The following THSD7A variants were observed in gnomAD, a reference collection of about 807,000 sequenced individuals.
THSD7A encodes thrombospondin type-1 domain-containing protein 7A.
THSD7A carries 96 observed loss-of-function variants against 231.3 expected under a neutral mutation model. That is an observed-to-expected ratio of 0.41 (90% CI 0.35 to 0.49). THSD7A has a LOEUF of 0.49. Ranked by LOEUF, THSD7A falls within the 20% of genes least tolerant of loss-of-function variation. THSD7A has a pLI of 0.05. For synonymous variants in THSD7A, 940 were observed against 743.3 expected, an observed-to-expected ratio of 1.26 and a Z score of -4.30; for missense variants, 2,290 against 2,070.2, an observed-to-expected ratio of 1.11 and a Z score of -2.06.
intron 4 of THSD7A, among the ~76,000 whole-genome samples, chr7:11,575,592 A>G (rs1269824621): frequency 6.6e-6 from 1 of 152,204 alleles, no homozygotes; most frequent in East Asian, 1.9e-4. Context: ...TGTACTCCAG[A>G]TACTTGTGTC....
chr7:11,629,356 A>T (rs1021859634), intron 2 of THSD7A, among the ~76,000 whole-genome samples: 1 of 152,160 alleles, frequency 6.6e-6, no homozygotes, highest in Non-Finnish European at 1.5e-5. Context: ...ATATGGGCAT[A>T]CTGACTCTGT....
chr7:11,426,643 G>A (rs1322895555), intron 15 of THSD7A, 23 bp downstream of exon 15: 4 of 1,547,182 alleles, frequency 2.6e-6, no homozygotes, highest in Non-Finnish European at 2.6e-6. Flanking sequence ...CTATCAAAAA[G>A]CATGAGGTTT....
At chr7:11,584,440 T>C (rs1340764385) in intron 4 of THSD7A, among the ~76,000 whole-genome samples, 1 of 152,156 alleles carries the variant, frequency 6.6e-6, no homozygotes, top group Non-Finnish European at 1.5e-5. Flanking sequence ...TTCTACCTTT[T>C]TCCCCAAACA....
chr7:11,618,796 GA>G lies in THSD7A; in HGVS notation c.1022+17333del, dbSNP rs887296938. On this transcript the variant is annotated intron_variant, in intron 2 of 27. Coordinates refer to ENST00000423059, the MANE Select transcript of THSD7A (RefSeq NM_015204.3). Reference sequence around the variant, plus strand: ...ACAGAGCGAGACTCTGACTCAAAAAGAAAAAAAAAAAAGAAGGAGAAGAATA... The same window carrying G: ...ACAGAGCGAGACTCTGACTCAAAAAGAAAAAAAAAAAGAAGGAGAAGAATA... 7.9e-3 allele frequency among the ~76,000 whole-genome samples: 862 copies of G among 108,560 alleles called. 3 individuals carry two copies. The highest frequency in any genetic ancestry group is 0.011 in the African/African-American group (311 of 29,318). 71.2% of individuals were successfully genotyped at this position (108,560 alleles called of 152,430 possible).
intron 23 of THSD7A, among the ~76,000 whole-genome samples, chr7:11,387,537 G>T (rs1453532725): frequency 1.3e-5 from 2 of 152,128 alleles, no homozygotes; most frequent in Non-Finnish European, 1.5e-5. Flanking sequence ...AGGAATGCTT[G>T]TGATTTTTGC....
chr7:11,394,383 G>T (rs965323012), intron 23 of THSD7A, among the ~76,000 whole-genome samples: 2 of 152,118 alleles, frequency 1.3e-5, no homozygotes, highest in African/African-American at 4.8e-5. Flanking sequence ...GAAAAAACTG[G>T]TACCAGCCAC....
rs545677634 is a variant in THSD7A at position 11,761,424 on chromosome 7, T to A, written c.190+70333A>T. Among the ~76,000 whole-genome samples, 13 of 152,222 alleles carry A rather than the reference T, an allele frequency of 8.5e-5. No individual in the cohort carries two copies. The South Asian group carries it at 2.7e-3, about 32-fold the overall frequency. On this transcript the variant is annotated intron_variant, in intron 1 of 27. Transcript: ENST00000423059. ...CATACTTTCTTAGAGCTTTATTTCA[T>A]AAAGATGTTTTCATCATGCATATCT... is the stretch of plus-strand genomic sequence containing the variant.
intron 9 of THSD7A, among the ~76,000 whole-genome samples, chr7:11,467,642 T>C (rs1307556849): frequency 6.6e-6 from 1 of 152,124 alleles, no homozygotes; most frequent in Non-Finnish European, 1.5e-5. Context: ...TTTTATTTTA[T>C]AAATGATCAA....
intron 1 of THSD7A, among the ~76,000 whole-genome samples, chr7:11,683,207 C>T (rs899766809): frequency 2.0e-5 from 3 of 151,540 alleles, no homozygotes; most frequent in African/African-American, 7.3e-5. Context: ...ATCAGGAGCT[C>T]TTAAAAACCA....
chr7:11,375,407 G>GCCGT lies in THSD7A; in HGVS notation c.*386_*387insACGG. The GCCGT allele has an allele frequency of 3.7e-5, 6 of 163,128 alleles. No individual in the cohort carries two copies. Among genetic ancestry groups the GCCGT allele is most frequent in the Non-Finnish European group, 6.6e-5 (5 of 75,632 alleles). The allele number at this position is 163,128 out of a possible 1,614,324, so 10.1% of individuals were successfully genotyped here. On this transcript the variant is annotated 3_prime_UTR_variant, in exon 28 of 28. Transcript: ENST00000423059. ...CCATAGTATTGTGGAGATCTTGGTAGAAACTCTTCATGCTAGGAAGTTTTA... is the reference window on the plus strand; with the variant it reads ...CCATAGTATTGTGGAGATCTTGGTAGCCGTAAACTCTTCATGCTAGGAAGTTTTA...
intron 2 of THSD7A, among the ~76,000 whole-genome samples, chr7:11,627,505 A>G (rs1282148275): frequency 1.3e-5 from 2 of 152,150 alleles, no homozygotes; most frequent in Non-Finnish European, 2.9e-5. Context: ...ATTTTTCATG[A>G]AATCTTGGAC....
At chr7:11,642,848 C>T (rs1782136946) in intron 1 of THSD7A, among the ~76,000 whole-genome samples, 2 of 151,990 alleles carry the variant, frequency 1.3e-5, no homozygotes, top group South Asian at 2.1e-4. Flanking sequence ...CTCTTGATAT[C>T]GTTCAAAACT....
At position 11,593,291 on chromosome 7, in the gene THSD7A, A is replaced by G. The variant is rs753334475; in HGVS notation, c.1234T>C (p.Cys412Arg). The G allele has an allele frequency of 5.0e-6, 8 of 1,613,862 alleles. No individual in the cohort carries two copies. The African/African-American group carries it at 1.1e-4, about 22-fold the overall frequency. ...ECPEFEEKEPCLSQGDGVVPC... is the reference protein window; with the variant it reads ...ECPEFEEKEPRLSQGDGVVPC... ...ACAACTCCATCTCCTTGAGACAAACAGGGTTCTTTTTCTTCAAATTCTGGA... is the reference window on the plus strand; with the variant it reads ...ACAACTCCATCTCCTTGAGACAAACGGGGTTCTTTTTCTTCAAATTCTGGA... The change falls in exon 3 of 28, where the codon TGT (cysteine) becomes CGT (arginine). Residue 412 changes from cysteine (C) to arginine (R), a missense_variant. By Grantham distance (180) the Cys-to-Arg change is radical. Transcript: ENST00000423059.
intron 1 of THSD7A, among the ~76,000 whole-genome samples, chr7:11,726,784 T>C (rs1485384426): frequency 6.6e-6 from 1 of 152,004 alleles, no homozygotes; most frequent in African/African-American, 2.4e-5. Context: ...TTACATCGTC[T>C]TCAGTAGTCT....
chr7:11,539,903 A>C (rs1485526364), intron 6 of THSD7A, among the ~76,000 whole-genome samples: 3 of 152,222 alleles, frequency 2.0e-5, no homozygotes, highest in Non-Finnish European at 2.9e-5. Flanking sequence ...AAGGACAAGC[A>C]AAATTATTTG....
intron 6 of THSD7A, among the ~76,000 whole-genome samples, chr7:11,537,743 G>C (rs1035911866): frequency 1.3e-5 from 2 of 152,092 alleles, no homozygotes; most frequent in African/African-American, 2.4e-5. Context: ...ACAAATAGCC[G>C]AACACAGTCA....
chr7:11,520,505 G>A (rs943091875), intron 6 of THSD7A, among the ~76,000 whole-genome samples: 2 of 151,952 alleles, frequency 1.3e-5, no homozygotes, highest in Non-Finnish European at 2.9e-5. Context: ...CATGCCACCA[G>A]GATATAAAAC....
At chr7:11,732,468 C>T (rs868859989) in intron 1 of THSD7A, among the ~76,000 whole-genome samples, 1 of 151,860 alleles carries the variant, frequency 6.6e-6, no homozygotes, top group African/African-American at 2.4e-5. Context: ...AAAGGGATTA[C>T]TCTTCCAAGC....
intron 2 of THSD7A, among the ~76,000 whole-genome samples, chr7:11,607,607 A>C (rs1780776612): frequency 6.6e-6 from 1 of 151,956 alleles, no homozygotes; most frequent in Non-Finnish European, 1.5e-5. Context: ...TACAAAATTA[A>C]ATTTCTTATA....
Sources: allele counts gnomAD v4.1 joint callset (sites outside exome capture counted in the v4.1 genomes callset), GRCh38; gene constraint gnomAD v4.1.1; transcripts MANE v1.5; gene names NCBI Gene and HGNC (gene_info 2026-07-23, HGNC 2026-07-21).